Variants in FAM193A observed in about 807,000 individuals in gnomAD.
The protein encoded by FAM193A is protein FAM193A.
In FAM193A, 22 loss-of-function variants were observed where a neutral mutation model predicts 126.5. The observed-to-expected ratio is 0.17, with a 90% CI of 0.12 to 0.25. The LOEUF is 0.25. FAM193A is among the 10% of genes least tolerant of loss of function. The pLI, the probability that FAM193A is intolerant of heterozygous loss-of-function variation, is 1.00. For missense variants in FAM193A, 1,675 were observed against 1,672.8 expected, an observed-to-expected ratio of 1.00 and a Z score of -0.02; for synonymous variants, 761 against 646.8, an observed-to-expected ratio of 1.18 and a Z score of -2.68.
chr4:2,560,670 A>G (rs943445943), intron 1 of FAM193A, among the ~76,000 whole-genome samples: 1 of 152,176 alleles, frequency 6.6e-6, no homozygotes, highest in Non-Finnish European at 1.5e-5. Context: ...TCAGTGCAGA[A>G]TTTATGTGTA....
chr4:2,543,886 A>AAC (rs1203352913), intron 1 of FAM193A, among the ~76,000 whole-genome samples: 1 of 151,234 alleles, frequency 6.6e-6, no homozygotes, highest in Non-Finnish European at 1.5e-5. Context: ...AAAAAAAAAA[A>AAC]AAAAAAAAAC....
intron 18 of FAM193A, among the ~76,000 whole-genome samples, chr4:2,697,982 C>T (rs1458239267): frequency 6.6e-6 from 1 of 152,234 alleles, no homozygotes; most frequent in South Asian, 2.1e-4. Context: ...TGGTCTGAAT[C>T]CAGACTTGAG....
intron 20 of FAM193A, among the ~76,000 whole-genome samples, chr4:2,718,720 C>T (rs1205479284): frequency 6.6e-6 from 1 of 151,734 alleles, no homozygotes; most frequent in African/African-American, 2.4e-5. Flanking sequence ...AGAGCCCTGT[C>T]TCAAAAATAA....
intron 12 of FAM193A, among the ~76,000 whole-genome samples, chr4:2,664,541 C>T (rs925278240): frequency 6.9e-6 from 1 of 145,552 alleles, no homozygotes; most frequent in South Asian, 2.2e-4. Context: ...ACACCTTTCT[C>T]TCTCTCTATT....
intron 7 of FAM193A, among the ~76,000 whole-genome samples, chr4:2,648,981 T>C (rs757842813): frequency 3.3e-5 from 5 of 152,224 alleles, no homozygotes; most frequent in African/African-American, 4.8e-5. Context: ...CCATGAGTCT[T>C]TTCCCTCCCT....
At chr4:2,598,161 G>T (rs1055008288) in intron 2 of FAM193A, among the ~76,000 whole-genome samples, 4 of 152,190 alleles carry the variant, frequency 2.6e-5, no homozygotes, top group African/African-American at 9.7e-5. Flanking sequence ...CCATAGTGCT[G>T]GGATTATAGG....
intron 1 of FAM193A, among the ~76,000 whole-genome samples, chr4:2,559,535 A>G (rs116054294): frequency 0.02 from 3,072 of 152,174 alleles, 36 homozygotes; most frequent in South Asian, 0.051. Context: ...GGCTCAAGCA[A>G]TCCTCCCACC....
intron 19 of FAM193A, among the ~76,000 whole-genome samples, chr4:2,711,327 TTTTGTTTG>T (rs545625478): frequency 1.3e-5 from 2 of 151,804 alleles, no homozygotes; most frequent in Admixed American, 6.6e-5. Flanking sequence ...ATTTTTCCTT[TTTTGTTTG>T]TTTGTTTGTT....
At chr4:2,646,413 C>T (rs1390928965) in intron 6 of FAM193A, among the ~76,000 whole-genome samples, 3 of 151,902 alleles carry the variant, frequency 2.0e-5, no homozygotes, top group Admixed American at 2.0e-4. Flanking sequence ...CTCAGGTGAT[C>T]CACCCACCTC....
At chr4:2,695,245 A>G (rs1452205928) in intron 17 of FAM193A, 116 bp downstream of exon 17, 6 of 797,800 alleles carry the variant, frequency 7.5e-6, no homozygotes, top group Non-Finnish European at 1.1e-5. Context: ...GGGTATATCC[A>G]TTGTAAAGAA....
intron 1 of FAM193A, among the ~76,000 whole-genome samples, chr4:2,550,266 G>A (rs1282309518): frequency 2.0e-5 from 3 of 151,726 alleles, no homozygotes; most frequent in Admixed American, 6.6e-5. Context: ...GGCTGATCTC[G>A]AACTCCTGGC....
At chr4:2,689,028 A>C (rs1041606971) in intron 13 of FAM193A, among the ~76,000 whole-genome samples, 1 of 152,262 alleles carries the variant, frequency 6.6e-6, no homozygotes, top group Non-Finnish European at 1.5e-5. Flanking sequence ...TTTAGAGCAC[A>C]GTATACAAAT....
chr4:2,562,412 T>C (rs1738672096), intron 1 of FAM193A, among the ~76,000 whole-genome samples: 1 of 152,114 alleles, frequency 6.6e-6, no homozygotes, highest in Non-Finnish European at 1.5e-5. Flanking sequence ...ATGGCACCAC[T>C]GCACTACAGC....
intron 13 of FAM193A, among the ~76,000 whole-genome samples, chr4:2,675,686 T>TTTTAAG (rs1714319230): frequency 6.6e-6 from 1 of 152,222 alleles, no homozygotes; most frequent in Non-Finnish European, 1.5e-5. Context: ...CATTTTTAAG[T>TTTTAAG]GTAGAATTCA....
intron 6 of FAM193A, among the ~76,000 whole-genome samples, chr4:2,644,561 C>T (rs755472582): frequency 6.6e-6 from 1 of 152,216 alleles, no homozygotes; most frequent in Non-Finnish European, 1.5e-5. Flanking sequence ...CTTAGGAGAA[C>T]AGCTTTGATG....
rs149726220 is a variant in FAM193A at position 2,697,167 on chromosome 4, A to G, written c.3507+574A>G. 9.5e-3 allele frequency among the ~76,000 whole-genome samples: 1,439 copies of G among 152,230 alleles called. 27 individuals are homozygous for G. The highest frequency in any genetic ancestry group is 0.012 in the Non-Finnish European group (833 of 68,002). Reference sequence around the variant, plus strand: ...AGCAGTTCCCTCCTTACCAGAGGGCATGGTGTGTCACAAAAAGCAAATGTC... The same window carrying G: ...AGCAGTTCCCTCCTTACCAGAGGGCGTGGTGTGTCACAAAAAGCAAATGTC... On this transcript the variant is annotated intron_variant, in intron 18 of 20. Coordinates refer to ENST00000637812, the MANE Select transcript of FAM193A (RefSeq NM_001366318.2).
At chr4:2,602,508 C>T (rs1741260557) in intron 2 of FAM193A, among the ~76,000 whole-genome samples, 1 of 151,916 alleles carries the variant, frequency 6.6e-6, no homozygotes. Flanking sequence ...CACGTGCCAT[C>T]AACCCAGCTA....
chr4:2,617,736 C>T (rs1037725770), intron 2 of FAM193A, among the ~76,000 whole-genome samples: 3 of 152,132 alleles, frequency 2.0e-5, no homozygotes, highest in Non-Finnish European at 2.9e-5. Context: ...ATACTTGGAG[C>T]GCCACCATTT....
At chr4:2,715,393 A>G in intron 19 of FAM193A, 1 of 483,710 alleles carries the variant, frequency 2.1e-6, no homozygotes, top group Non-Finnish European at 2.7e-6. Context: ...AGCCTGGAAG[A>G]TGGAGGTTCC....
Sources: gnomAD v4.1 joint callset for allele counts (sites outside exome capture counted in the v4.1 genomes callset) on GRCh38, gnomAD v4.1.1 for gene constraint, MANE v1.5 for transcripts, NCBI Gene and HGNC (gene_info 2026-07-23, HGNC 2026-07-21) for gene names.